GLS: variants seen among roughly 807,000 people sequenced by gnomAD.
GLS encodes the protein glutaminase.
In GLS, 36 loss-of-function variants were observed where a neutral mutation model predicts 86.7. The observed-to-expected ratio is 0.42, with a 90% CI of 0.32 to 0.55. The LOEUF is 0.55. GLS is among the 20% of genes least tolerant of loss of function. The pLI is 0.17. For synonymous variants in GLS, 317 were observed against 305.9 expected (o/e 1.04, Z -0.38); for missense variants, 528 against 833.4 (o/e 0.63, Z 4.51).
intron 14 of GLS, among the ~76,000 whole-genome samples, chr2:190,952,335 A>T (rs1690736784): frequency 1.3e-5 from 2 of 152,208 alleles, no homozygotes; most frequent in Admixed American, 1.3e-4. Context: ...GTGCTCAGCT[A>T]GTTAAGTTCC....
chr2:190,958,556 A>G (rs1183961419), intron 17 of GLS, among the ~76,000 whole-genome samples: 1 of 152,172 alleles, frequency 6.6e-6, no homozygotes, highest in Non-Finnish European at 1.5e-5. Context: ...GTGGGCATTT[A>G]GTACTATAAA....
chr2:190,904,661 T>TTTAGTA (rs1689071235), intron 5 of GLS, among the ~76,000 whole-genome samples: 2 of 152,178 alleles, frequency 1.3e-5, no homozygotes, highest in African/African-American at 4.8e-5. Context: ...AGTACACCTA[T>TTTAGTA]TTATATGGCA....
In GLS at chr2:190,950,023, C is replaced by G. The variant is rs576004759; in HGVS notation, c.1651-3542C>G. On this transcript the variant is annotated intron_variant, in intron 14 of 17. Coordinates refer to ENST00000320717, the MANE Select transcript of GLS (RefSeq NM_014905.5). Reference sequence around the variant, plus strand: ...TATATATATATATGAAGGGGAAAAGCAAGGTAAGGGATAAGGAGTGATGAA... The same window carrying G: ...TATATATATATATGAAGGGGAAAAGGAAGGTAAGGGATAAGGAGTGATGAA... Among the ~76,000 whole-genome samples, 202 of 149,868 alleles carry G rather than the reference C, an allele frequency of 1.3e-3. 3 individuals are homozygous for G. The highest frequency in any genetic ancestry group is 1.2e-4 in the Non-Finnish European group (8 of 67,546).
In GLS at chr2:190,880,943, G is replaced by A. The variant is rs1376103630; in HGVS notation, c.-142G>A. On this transcript the variant is annotated 5_prime_UTR_variant, in exon 1 of 18. Coordinates refer to ENST00000320717, the MANE Select transcript of GLS (RefSeq NM_014905.5). ...GCACCCGCATCCGCTGCGGGAGTCCGAGCCGGAACCACACCCAAGTAGCTG... is the reference window on the plus strand; with the variant it reads ...GCACCCGCATCCGCTGCGGGAGTCCAAGCCGGAACCACACCCAAGTAGCTG... The A allele has an allele frequency of 9.4e-7, 1 of 1,059,304 alleles. No individual in the cohort carries two copies. The allele number at this position is 1,059,304 out of a possible 1,614,324, so 65.6% of individuals were successfully genotyped here.
chr2:190,948,543 G>A (rs1052306625), intron 14 of GLS, among the ~76,000 whole-genome samples: 1 of 152,202 alleles, frequency 6.6e-6, no homozygotes, highest in Non-Finnish European at 1.5e-5. Context: ...AAAGGGGAAT[G>A]TGTAGTTCTT....
Position 190,881,191 on chromosome 2 carries a change from G to A in GLS, c.107G>A (p.Arg36Gln), listed in dbSNP as rs753286854. 16 of 1,318,618 alleles carry A rather than the reference G, an allele frequency of 1.2e-5. 1 individual carries two copies. In the South Asian group the frequency reaches 2.0e-4, roughly 16 times the overall value. 81.7% of individuals were successfully genotyped at this position (1,318,618 alleles called of 1,614,324 possible). ...RRAQPLVTLC[R>Q]RPRGGGRPAA... ...GCACAGCCCTTGGTCACCCTGTGCC[G>A]GCGTCCCCGAGGCGGGGGACGGCCG... The change falls in exon 1 of 18, where the codon CGG (arginine) becomes CAG (glutamine). Residue 36 changes from arginine to glutamine, a missense_variant. By Grantham distance (43) the Arg-to-Gln change is conservative. Transcript: ENST00000320717.
At chr2:190,923,572 CT>C (rs1689812515) in intron 9 of GLS, among the ~76,000 whole-genome samples, 1 of 152,108 alleles carries the variant, frequency 6.6e-6, no homozygotes, top group South Asian at 2.1e-4. Flanking sequence ...TCTTATTGTA[CT>C]TTTGGGTAGC....
At chr2:190,950,223 A>G (rs899107726) in intron 14 of GLS, among the ~76,000 whole-genome samples, 1 of 152,112 alleles carries the variant, frequency 6.6e-6, no homozygotes, top group African/African-American at 2.4e-5. Context: ...TGGAAAGGGA[A>G]GAGTGGTAGG....
Position 190,960,359 on chromosome 2 carries a change from A to ATTTTTTTTT in GLS, c.1854-2457_1854-2449dup, listed in dbSNP as rs770419477. 6.9e-4 allele frequency among the ~76,000 whole-genome samples: 70 copies of ATTTTTTTTT among 101,476 alleles called. No homozygotes were observed. In the South Asian group the frequency reaches 7.5e-3, roughly 11 times the overall value. The allele number at this position is 101,476 out of a possible 152,430, so 66.6% of individuals were successfully genotyped here. ...TTGTGTTTCTGTTTATTAAGCTTCA[A>ATTTTTTTTT]TTTTTTTTTTTTTTTTTTTTTTGAG... is the stretch of plus-strand genomic sequence containing the variant. On this transcript the variant is annotated intron_variant, in intron 17 of 17. Transcript: ENST00000320717.
chr2:190,942,652 T>TTAA (rs1483238473), intron 14 of GLS, among the ~76,000 whole-genome samples: 1 of 152,176 alleles, frequency 6.6e-6, no homozygotes, highest in African/African-American at 2.4e-5. Flanking sequence ...AGCTGCTGCA[T>TTAA]TAACTAAGAT....
At chr2:190,946,906 G>A (rs1232617615) in intron 14 of GLS, among the ~76,000 whole-genome samples, 1 of 152,168 alleles carries the variant, frequency 6.6e-6, no homozygotes, top group African/African-American at 2.4e-5. Context: ...TTCTACTCAA[G>A]CTCCATCACT....
Position 190,963,261 on chromosome 2 carries a change from T to C in GLS, c.*275T>C. On this transcript the variant is annotated 3_prime_UTR_variant, in exon 18 of 18. Coordinates refer to ENST00000320717, the MANE Select transcript of GLS (RefSeq NM_014905.5). ...GTTACCAATGCTAGCTTGTGTGGTC[T>C]TCCATGATTTATTTGTGTTTTGTGA... The C allele has an allele frequency of 4.0e-6, 1 of 248,144 alleles. No individual in the cohort carries two copies. Among genetic ancestry groups the C allele is most frequent in the Non-Finnish European group, 7.8e-6 (1 of 128,868 alleles). The allele number at this position is 248,144 out of a possible 1,614,324, so 15.4% of individuals were successfully genotyped here. A position where few individuals can be genotyped will look rare whatever the true frequency, so the allele number is the denominator to read the frequency against.
chr2:190,922,119 G>C (rs1444590781), intron 9 of GLS, among the ~76,000 whole-genome samples: 4 of 152,098 alleles, frequency 2.6e-5, no homozygotes, highest in Non-Finnish European at 5.9e-5. Context: ...CATACGGTCT[G>C]TGTTGTAACT....
chr2:190,887,433 G>GT (rs2125975621), intron 1 of GLS, among the ~76,000 whole-genome samples: 1 of 152,176 alleles, frequency 6.6e-6, no homozygotes, highest in South Asian at 2.1e-4. Context: ...AATGTTTATA[G>GT]TAAAAGCATT....
At chr2:190,888,889 T>G (rs950889959) in intron 1 of GLS, among the ~76,000 whole-genome samples, 3 of 152,226 alleles carry the variant, frequency 2.0e-5, no homozygotes, top group African/African-American at 7.2e-5. Flanking sequence ...CAAAAAATTG[T>G]GGTTAAATAT....
chr2:190,900,251 C>A (rs1190583393), intron 3 of GLS, among the ~76,000 whole-genome samples: 1 of 152,100 alleles, frequency 6.6e-6, no homozygotes. Context: ...CTGAATGTTA[C>A]CAACTCTGAT....
In GLS at chr2:190,924,337, A is replaced by G. The variant is rs1408759338; in HGVS notation, c.1198-206A>G. 6.6e-6 allele frequency among the ~76,000 whole-genome samples: 1 copy of G among 152,146 alleles called. No individual in the cohort carries two copies. Among genetic ancestry groups the G allele is most frequent in the Non-Finnish European group, 1.5e-5 (1 of 68,034 alleles). ...TTTATAAATCATGAATCATTTTATC[A>G]TTGTCAGTTAAACTAGTATCTAGAA... On this transcript the variant is annotated intron_variant, in intron 10 of 17. Coordinates refer to ENST00000320717, the MANE Select transcript of GLS (RefSeq NM_014905.5). The surrounding 1 kb of genome is among the most constrained non-coding windows in gnomAD (Gnocchi z 5.2).
At chr2:190,890,065 A>G (rs1688511276) in intron 1 of GLS, among the ~76,000 whole-genome samples, 1 of 152,128 alleles carries the variant, frequency 6.6e-6, no homozygotes, top group South Asian at 2.1e-4. Context: ...GGAACAAAGG[A>G]TGAGCTTTGT....
Position 190,912,343 on chromosome 2 carries a change from G to A in GLS, c.1038+2022G>A, listed in dbSNP as rs1689388739. On this transcript the variant is annotated intron_variant, in intron 7 of 17. Transcript: ENST00000320717. The stretch of plus-strand genomic sequence containing the variant: ...TTTGTTTTTAGCATGTGTTTCACAA[G>A]TGCTTTTTTTTTTTTTTTTTTTATG... Among the ~76,000 whole-genome samples, 3 of 125,500 alleles carry A rather than the reference G, an allele frequency of 2.4e-5. No homozygotes were observed. In the South Asian group the frequency reaches 8.3e-4, roughly 35 times the overall value. The allele number at this position is 125,500 out of a possible 152,430, so 82.3% of individuals were successfully genotyped here.
Sources: gnomAD v4.1 joint callset for allele counts (sites outside exome capture counted in the v4.1 genomes callset) on GRCh38, gnomAD v4.1.1 for gene constraint, Gnocchi (gnomAD v3.1) non-coding constraint, MANE v1.5 for transcripts, NCBI Gene and HGNC (gene_info 2026-07-23, HGNC 2026-07-21) for gene names.